BLTP3B: variants seen among roughly 807,000 people sequenced by gnomAD.
BLTP3B encodes the protein bridge-like lipid transfer protein family member 3B.
At chr12:100,080,136 CA>C in the BLTP3B span, among the ~76,000 whole-genome samples, 2 of 152,198 alleles carry the variant, frequency 1.3e-5, no homozygotes, top group Admixed American at 1.3e-4. Context: ...AGCCCCCACA[CA>C]AAGTCCCTAC....
At chr12:100,135,561 C>T in the BLTP3B span, among the ~76,000 whole-genome samples, 27 of 152,208 alleles carry the variant, frequency 1.8e-4, no homozygotes, top group Admixed American at 3.3e-4. Context: ...GACACCACAC[C>T]CGGCCTCAAA....
chr12:100,103,952 C>T, the BLTP3B span: 1 of 1,597,022 alleles, frequency 6.3e-7, no homozygotes. Context: ...TCCATGGGAT[C>T]TACAAATGAA....
At chr12:100,088,937 A>T in the BLTP3B span, 1 of 1,579,862 alleles carries the variant, frequency 6.3e-7, no homozygotes, top group Non-Finnish European at 8.6e-7. Flanking sequence ...CATGAATGTC[A>T]TCACATATGT....
At chr12:100,130,949 C>CATAT in the BLTP3B span, among the ~76,000 whole-genome samples, 84 of 97,566 alleles carry the variant, frequency 8.6e-4, no homozygotes, top group African/African-American at 3.3e-3. Flanking sequence ...TACATACATA[C>CATAT]ATATATATAT....
At chr12:100,086,465 T>C in the BLTP3B span, 1 of 646,042 alleles carries the variant, frequency 1.5e-6, no homozygotes, top group Admixed American at 3.3e-5. Flanking sequence ...GTAATAACTG[T>C]CTCTCTTTTA....
At chr12:100,089,054 C>T in the BLTP3B span, 13 of 1,608,372 alleles carry the variant, frequency 8.1e-6, no homozygotes, top group Admixed American at 1.7e-5. Flanking sequence ...TTGAAGTTTG[C>T]GTTGTCTTCA....
the BLTP3B span, chr12:100,069,866 A>AT: frequency 1.2e-6 from 1 of 809,050 alleles, no homozygotes; most frequent in Non-Finnish European, 1.5e-6. Flanking sequence ...GAAATAAAAA[A>AT]TTTTTTTAAA....
the BLTP3B span, chr12:100,059,581 T>C: frequency 6.6e-7 from 1 of 1,512,104 alleles, no homozygotes; most frequent in East Asian, 2.3e-5. Context: ...AATCCATACA[T>C]CTTGAAGATA....
the BLTP3B span, among the ~76,000 whole-genome samples, chr12:100,048,735 G>GGGGA: frequency 1.6e-4 from 19 of 119,590 alleles, no homozygotes; most frequent in Middle Eastern, 4.2e-3. Flanking sequence ...GTAAGGGGGG[G>GGGGA]GAGAGAGAGA....
At chr12:100,124,340 C>T in the BLTP3B span, among the ~76,000 whole-genome samples, 4,464 of 152,082 alleles carry the variant, frequency 0.029, 75 homozygotes, top group Non-Finnish European at 0.037. Context: ...CAGTGGCTCA[C>T]GCCTGTAATC....
At chr12:100,120,338 A>T in the BLTP3B span, among the ~76,000 whole-genome samples, 1 of 152,184 alleles carries the variant, frequency 6.6e-6, no homozygotes, top group South Asian at 2.1e-4. Flanking sequence ...GCACCACTGC[A>T]CTCCAACCTG....
At chr12:100,048,708 C>T in the BLTP3B span, among the ~76,000 whole-genome samples, 8 of 125,764 alleles carry the variant, frequency 6.4e-5, no homozygotes, top group African/African-American at 2.5e-4. Context: ...GAAGGCAAAC[C>T]AAAAACTGAA....
At chr12:100,117,807 G>A in the BLTP3B span, among the ~76,000 whole-genome samples, 1 of 152,080 alleles carries the variant, frequency 6.6e-6, no homozygotes, top group East Asian at 1.9e-4. Context: ...GACCTTTGGG[G>A]TGCTTTTTAA....
chr12:100,095,787 GT>G, the BLTP3B span: 1 of 1,613,052 alleles, frequency 6.2e-7, no homozygotes, highest in Non-Finnish European at 8.5e-7. Flanking sequence ...CCCATAATAA[GT>G]CATCCAATAT....
chr12:100,070,153 T>A, the BLTP3B span: 1 of 1,567,528 alleles, frequency 6.4e-7, no homozygotes, highest in Non-Finnish European at 8.7e-7. Flanking sequence ...AGTTTTCTCA[T>A]CTGCTTAGGA....
At chr12:100,094,502 C>T in the BLTP3B span, among the ~76,000 whole-genome samples, 3 of 152,274 alleles carry the variant, frequency 2.0e-5, no homozygotes, top group Admixed American at 2.0e-4. Context: ...TCAGTGTTTA[C>T]CCCTACCCCT....
At chr12:100,117,303 A>G in the BLTP3B span, among the ~76,000 whole-genome samples, 1 of 152,192 alleles carries the variant, frequency 6.6e-6, no homozygotes, top group Non-Finnish European at 1.5e-5. Context: ...CAACGTCAAC[A>G]TCGGCAATAA....
the BLTP3B span, among the ~76,000 whole-genome samples, chr12:100,106,878 C>T: frequency 7.2e-5 from 11 of 151,952 alleles, no homozygotes; most frequent in Non-Finnish European, 1.2e-4. Flanking sequence ...TCTTAGGAGC[C>T]CAAATTTTAG....
chr12:100,104,401 G>A, the BLTP3B span, among the ~76,000 whole-genome samples: 1 of 151,496 alleles, frequency 6.6e-6, no homozygotes, highest in Non-Finnish European at 1.5e-5. Flanking sequence ...ACAGTGTTTT[G>A]ATATGGTGGC....
Sources: allele counts gnomAD v4.1 joint callset (sites outside exome capture counted in the v4.1 genomes callset), GRCh38; gene constraint gnomAD v4.1.1; transcripts MANE v1.5; gene names NCBI Gene and HGNC (gene_info 2026-07-23, HGNC 2026-07-21).